RESF1: variants seen among roughly 807,000 people sequenced by gnomAD.
RESF1 encodes gonad expressed transcript.
RESF1 carries 65 observed loss-of-function variants against 134.7 expected under a neutral mutation model. The observed-to-expected ratio is 0.48, with a 90% CI of 0.40 to 0.59. The LOEUF is 0.59. RESF1 is among the 20% of genes least tolerant of loss of function. The pLI, the probability that RESF1 is intolerant of heterozygous loss-of-function variation, is 0.00. For missense variants in RESF1, 2,274 were observed against 2,002.7 expected, an observed-to-expected ratio of 1.14 and a Z score of -2.59; for synonymous variants, 762 against 702.2, an observed-to-expected ratio of 1.09 and a Z score of -1.35.
At position 31,983,649 on chromosome 12, in the gene RESF1, G is replaced by A; in HGVS notation, c.2694G>A (p.Leu898=). ...DTLQIDNICS[L]VEGDTSYNSQ... Reference sequence around the variant, plus strand: ...TACAGATTGACAATATTTGTTCTCTGGTTGAAGGTGATACCTCTTACAATT... The same window carrying A: ...TACAGATTGACAATATTTGTTCTCTAGTTGAAGGTGATACCTCTTACAATT... The change falls in exon 4 of 6, where the codon CTG becomes CTA. Residue 898 remains leucine (L), a synonymous_variant. Transcript: ENST00000312561. 6.2e-7 allele frequency: 1 copy of A among 1,614,050 alleles called. No homozygotes were observed. Among genetic ancestry groups the A allele is most frequent in the Non-Finnish European group, 8.5e-7 (1 of 1,180,006 alleles).
At chr12:31,968,871 G>A (rs979413015) in intron 2 of RESF1, among the ~76,000 whole-genome samples, 4 of 152,154 alleles carry the variant, frequency 2.6e-5, no homozygotes, top group East Asian at 1.9e-4. Flanking sequence ...TATGCCTGTC[G>A]TATTGGCTGT....
At chr12:31,966,743 T>G (rs1196958203) in intron 2 of RESF1, among the ~76,000 whole-genome samples, 1 of 152,220 alleles carries the variant, frequency 6.6e-6, no homozygotes, top group Non-Finnish European at 1.5e-5. Context: ...ATCATCCTGC[T>G]GGGAATCACG....
chr12:31,969,615 ATTAGGTTCAT>A (rs1939465670), intron 2 of RESF1, among the ~76,000 whole-genome samples: 1 of 152,116 alleles, frequency 6.6e-6, no homozygotes, highest in African/African-American at 2.4e-5. Context: ...TATTCACAAT[ATTAGGTTCAT>A]TTTCTGGTTT....
chr12:31,982,656 C>T lies in RESF1; in HGVS notation c.1701C>T (p.Ser567=), dbSNP rs141509098. 5.0e-6 allele frequency: 8 copies of T among 1,614,080 alleles called. No homozygotes were observed. In the East Asian group the frequency reaches 1.8e-4, roughly 36 times the overall value. ...GTGAAACAATTTCTGTTCCCAAGTC[C>T]ATGTCCACTGAGGAATATAAATCAA... ...AVCETISVPK[S]MSTEEYKSKI... Residue 567 remains serine (S), a synonymous_variant, in exon 4 of 6, where the codon TCC becomes TCT. Coordinates refer to ENST00000312561, the MANE Select transcript of RESF1 (RefSeq NM_018169.4).
chr12:31,961,381 A>G (rs1939263403), intron 2 of RESF1, among the ~76,000 whole-genome samples: 1 of 152,164 alleles, frequency 6.6e-6, no homozygotes, highest in Non-Finnish European at 1.5e-5. Flanking sequence ...TGGCTGTAGC[A>G]CTCAGCCAAC....
intron 3 of RESF1, among the ~76,000 whole-genome samples, chr12:31,979,267 C>G (rs1939715308): frequency 6.6e-6 from 1 of 152,126 alleles, no homozygotes; most frequent in Admixed American, 6.5e-5. Context: ...TCCCAACTGA[C>G]CAATTCTCTC....
At chr12:31,976,682 C>CA (rs1034716703) in intron 3 of RESF1, among the ~76,000 whole-genome samples, 25 of 148,954 alleles carry the variant, frequency 1.7e-4, no homozygotes, top group African/African-American at 4.7e-4. Context: ...GACTCCATCT[C>CA]AAAAAAAAAC....
rs144248952 is a variant in RESF1 at position 31,982,205 on chromosome 12, A to G, written c.1250A>G (p.Asn417Ser). 34 of 1,612,072 alleles carry G rather than the reference A, an allele frequency of 2.1e-5. No homozygotes were observed. Among genetic ancestry groups the G allele is most frequent in the Admixed American group, 3.4e-5 (2 of 59,546 alleles). Reference sequence around the variant, plus strand: ...GAACTTGCAAGGAAAATTAAAATCAATAAAGATCTTTTGATGGCAGCAGGT... The same window carrying G: ...GAACTTGCAAGGAAAATTAAAATCAGTAAAGATCTTTTGATGGCAGCAGGT... ...FSELARKIKI[N>S]KDLLMAAGCI... is the part of the protein sequence containing the mutation. Residue 417 changes from asparagine (N) to serine (S), a missense_variant, in exon 4 of 6, where the codon AAT becomes AGT. By Grantham distance (46) the Asn-to-Ser change is conservative. Transcript: ENST00000312561.
intron 3 of RESF1, among the ~76,000 whole-genome samples, chr12:31,977,091 A>G (rs550597068): frequency 5.9e-5 from 9 of 152,186 alleles, no homozygotes; most frequent in African/African-American, 2.2e-4. Context: ...GTGGTGATTA[A>G]TTTTGATGCA....
At chr12:31,970,648 T>TAA (rs1292302659) in intron 3 of RESF1, among the ~76,000 whole-genome samples, 1 of 152,198 alleles carries the variant, frequency 6.6e-6, no homozygotes, top group Non-Finnish European at 1.5e-5. Context: ...TGTCCTTGAG[T>TAA]AAAGAATCTT....
At chr12:31,967,616 G>T (rs202091680) in intron 2 of RESF1, among the ~76,000 whole-genome samples, 2 of 63,404 alleles carry the variant, frequency 3.2e-5, no homozygotes, top group African/African-American at 1.2e-4. Flanking sequence ...CTGCACGCCC[G>T]CCCACCCCCA....
At chr12:31,986,107 A>G (rs767934779) in intron 4 of RESF1, 150 bp downstream of exon 4, 49 of 442,786 alleles carry the variant, frequency 1.1e-4, no homozygotes, top group Non-Finnish European at 1.6e-4. Context: ...CTGGTAAACC[A>G]ATGTTTCATT....
At chr12:31,979,094 G>A (rs538817808) in intron 3 of RESF1, among the ~76,000 whole-genome samples, 121 of 151,308 alleles carry the variant, frequency 8.0e-4, no homozygotes, top group African/African-American at 2.7e-3. Context: ...CTAATTTTTT[G>A]TATTTTTAGT....
intron 3 of RESF1, among the ~76,000 whole-genome samples, chr12:31,978,350 T>C (rs1318784471): frequency 6.6e-6 from 1 of 152,154 alleles, no homozygotes; most frequent in African/African-American, 2.4e-5. Context: ...CATCTGATAC[T>C]CAGTTTTGTG....
rs962740382 is a variant in RESF1 at position 31,985,017 on chromosome 12, A to G, written c.4062A>G (p.Gly1354=). The change falls in exon 4 of 6, where the codon GGA becomes GGG. Residue 1354 remains glycine, a synonymous_variant. Transcript: ENST00000312561. ...KDVYKKHSSL[G]QSLSPEKIKL... ...TGTATAAGAAGCATAGTTCTTTGGG[A>G]CAGTCATTATCACCAGAAAAGATAA... 1.3e-6 allele frequency: 2 copies of G among 1,598,974 alleles called. No individual in the cohort carries two copies. Among genetic ancestry groups the G allele is most frequent in the African/African-American group, 1.4e-5 (1 of 73,814 alleles).
chr12:31,972,438 CTACTAAA>C (rs1939531010), intron 3 of RESF1, among the ~76,000 whole-genome samples: 1 of 151,496 alleles, frequency 6.6e-6, no homozygotes, highest in African/African-American at 2.4e-5. Flanking sequence ...AACCCTGTCT[CTACTAAA>C]AATACAAAAA....
rs1200317385 is a variant in RESF1, at chr12:31,985,445, AAC to A, written c.4494_4495del (p.His1498GlnfsTer8). 3.4e-5 allele frequency: 55 copies of A among 1,607,514 alleles called. No individual in the cohort carries two copies. The highest frequency in any genetic ancestry group is 5.2e-5 in the Admixed American group (3 of 57,992). ...GAAAGTTGTGGGAAATCAAATGAGAAACACAGCAGCGGCGTGCAGACCTCTAA... is the reference window on the plus strand; with the variant it reads ...GAAAGTTGTGGGAAATCAAATGAGAAACAGCAGCGGCGTGCAGACCTCTAA... On this transcript the variant is annotated frameshift_variant, in exon 4 of 6. Coordinates refer to ENST00000312561, the MANE Select transcript of RESF1 (RefSeq NM_018169.4). LOFTEE classifies it high-confidence loss of function.
chr12:31,964,176 T>C (rs1565836684), intron 2 of RESF1, among the ~76,000 whole-genome samples: 1 of 150,812 alleles, frequency 6.6e-6, no homozygotes, highest in East Asian at 1.9e-4. Context: ...TGTGTAGGTT[T>C]GGGGGTACGT....
In RESF1 at chr12:31,982,949, A is replaced by G. The variant is rs2120864151; in HGVS notation, c.1994A>G (p.Asp665Gly). ...ACAAAAGGAATGCCTGCTAAAAGTGACAGTAGCTGTTCCATGGAAGTGCTA... is the reference window on the plus strand; with the variant it reads ...ACAAAAGGAATGCCTGCTAAAAGTGGCAGTAGCTGTTCCATGGAAGTGCTA... ...SSTKGMPAKSDSSCSMEVLAT... is the reference protein window; with the variant it reads ...SSTKGMPAKSGSSCSMEVLAT... The change falls in exon 4 of 6, where the codon GAC becomes GGC. Residue 665 changes from aspartate to glycine, a missense_variant. By Grantham distance (94) the Asp-to-Gly change is moderately conservative. Transcript: ENST00000312561. 6.2e-7 allele frequency: 1 copy of G among 1,614,150 alleles called. No individual in the cohort carries two copies. Among genetic ancestry groups the G allele is most frequent in the Non-Finnish European group, 8.5e-7 (1 of 1,180,016 alleles).
Sources: gnomAD v4.1 joint callset for allele counts (sites outside exome capture counted in the v4.1 genomes callset) on GRCh38, gnomAD v4.1.1 for gene constraint, MANE v1.5 for transcripts, NCBI Gene and HGNC (gene_info 2026-07-23, HGNC 2026-07-21) for gene names.